The following CASP6 variants were observed in gnomAD, a reference collection of about 807,000 sequenced individuals.
CASP6 encodes caspase 6.
CASP6 carries 20 observed loss-of-function variants against 31.8 expected under a neutral mutation model. That is an observed-to-expected ratio of 0.63 (90% CI 0.44 to 0.91). The LOEUF (loss-of-function observed/expected upper bound fraction) is 0.91, where lower values mean the gene tolerates loss of function less well. Among genes scored for constraint, CASP6 ranks in the 40% least tolerant of loss-of-function variants. CASP6 has a pLI of 0.00. For missense variants in CASP6, 328 were observed against 361.1 expected (o/e 0.91, Z 0.74); for synonymous variants, 130 against 127.8 (o/e 1.02, Z -0.12).
At chr4:109,700,686 ACTTAC>A (rs1730393096) in intron 1 of CASP6, among the ~76,000 whole-genome samples, 1 of 152,166 alleles carries the variant, frequency 6.6e-6, no homozygotes, top group Admixed American at 6.5e-5. Context: ...GCCAGCTGTA[ACTTAC>A]CTTCACTCTC....
chr4:109,687,521 G>T (rs1409996994), downstream of CASP6: 1 of 1,610,508 alleles, frequency 6.2e-7, no homozygotes, highest in African/African-American at 1.3e-5. Flanking sequence ...ACAGGCTAAA[G>T]AATCCCTGAA....
chr4:109,666,722 T>C, the CASP6 span, among the ~76,000 whole-genome samples: 3 of 152,238 alleles, frequency 2.0e-5, no homozygotes, highest in Non-Finnish European at 2.9e-5. Flanking sequence ...TCTCCCAGGC[T>C]ATGGCTTGCT....
At chr4:109,703,495 C>T (rs1378871160), upstream of CASP6, 3 of 1,474,294 alleles carry the variant, frequency 2.0e-6, no homozygotes, top group Non-Finnish European at 2.8e-6. Flanking sequence ...CGGCCCCGCC[C>T]CCTGCCCCCG....
At chr4:109,695,953 G>T (rs1268076398) in intron 4 of CASP6, among the ~76,000 whole-genome samples, 1 of 152,114 alleles carries the variant, frequency 6.6e-6, no homozygotes, top group Admixed American at 6.6e-5. Flanking sequence ...ATGCAGCGAT[G>T]ATTATAATAT....
At chr4:109,690,761 G>A (rs1005340612) in intron 6 of CASP6, 89 bp downstream of exon 6, 126 of 1,387,620 alleles carry the variant, frequency 9.1e-5, no homozygotes, top group Non-Finnish European at 1.2e-4. Flanking sequence ...TGTCCCAACC[G>A]AAAGATCTGA....
intron 6 of CASP6, 151 bp downstream of exon 6, chr4:109,690,699 G>A: frequency 1.4e-6 from 1 of 695,412 alleles, no homozygotes. Context: ...ATCACTCTGT[G>A]CCATGTGGTC....
chr4:109,676,016 G>A, the CASP6 span, among the ~76,000 whole-genome samples: 1 of 152,186 alleles, frequency 6.6e-6, no homozygotes, highest in East Asian at 1.9e-4. Flanking sequence ...CAGAAAATTG[G>A]TACCAGAAGT....
chr4:109,698,454 G>C, intron 1 of CASP6, 112 bp from the exon 2 acceptor site: 1 of 881,752 alleles, frequency 1.1e-6, no homozygotes, highest in Non-Finnish European at 1.7e-6. Flanking sequence ...TTCTGTTTTG[G>C]TTAGTTTAAA....
At chr4:109,691,069 T>A in intron 5 of CASP6, 60 bp from the exon 6 acceptor site, 2 of 1,537,756 alleles carry the variant, frequency 1.3e-6, no homozygotes, top group South Asian at 2.5e-5. Flanking sequence ...CAGTGCTTAA[T>A]GTGTGCAGTG....
chr4:109,689,447 T>C lies in CASP6; in HGVS notation c.765A>G (p.Lys255=). 1 of 1,614,220 alleles carries C rather than the reference T, an allele frequency of 6.2e-7. No individual in the cohort carries two copies. Among genetic ancestry groups the C allele is most frequent in the Non-Finnish European group, 8.5e-7 (1 of 1,180,046 alleles). ...AAAAGTCCACTCGGCGCTGAGAAAC[T>C]TTCCTGTTCACCAGTGTGAGGAGTT... ...FTELLTLVNR[K]VSQRRVDFCK... Residue 255 remains lysine, a synonymous_variant, in exon 7 of 7, where the codon AAA becomes AAG. Transcript: ENST00000265164.
the CASP6 span, among the ~76,000 whole-genome samples, chr4:109,681,702 G>A: frequency 4.6e-5 from 7 of 152,224 alleles, no homozygotes; most frequent in African/African-American, 1.2e-4. Context: ...CCTTTAGCCC[G>A]ATCTGGAGCG....
rs762020300 is a variant in CASP6, at chr4:109,694,527, G to GA, written c.480dup (p.Gln161SerfsTer20). 1 of 1,598,380 alleles carries GA rather than the reference G, an allele frequency of 6.3e-7. No homozygotes were observed. The highest frequency in any genetic ancestry group is 1.3e-5 in the African/African-American group (1 of 74,292). The stretch of plus-strand genomic sequence containing the variant: ...GATGATAATGTACTCAGTCTTACCT[G>GA]AATGATAAATATCTTGGGTTTTCCA... On this transcript the variant is annotated frameshift_variant, in exon 5 of 7. Coordinates refer to ENST00000265164, the MANE Select transcript of CASP6 (RefSeq NM_001226.4). LOFTEE classifies it high-confidence loss of function.
At chr4:109,695,644 G>A (rs145613427) in intron 4 of CASP6, among the ~76,000 whole-genome samples, 5 of 151,894 alleles carry the variant, frequency 3.3e-5, no homozygotes, top group Admixed American at 6.6e-5. Flanking sequence ...GGGAAGCTGA[G>A]GCAGGAGAAT....
At chr4:109,676,565 A>G in the CASP6 span, among the ~76,000 whole-genome samples, 2 of 152,114 alleles carry the variant, frequency 1.3e-5, no homozygotes, top group African/African-American at 4.8e-5. Flanking sequence ...TGCTCTTCCA[A>G]ACTCTTCCAG....
rs371849658 is a variant in CASP6, at chr4:109,701,825, A to G, written c.40+1531T>C. 5.3e-5 allele frequency among the ~76,000 whole-genome samples: 8 copies of G among 152,276 alleles called. No individual in the cohort carries two copies. The East Asian group carries it at 7.7e-4, about 15-fold the overall frequency. Reference sequence around the variant, plus strand: ...CAGAGAAAGTGGGCCAGGCGTGCCAAGGTCGGCAAAGTGAAGCTGGGATTG... The same window carrying G: ...CAGAGAAAGTGGGCCAGGCGTGCCAGGGTCGGCAAAGTGAAGCTGGGATTG... On this transcript the variant is annotated intron_variant, in intron 1 of 6. Coordinates refer to ENST00000265164, the MANE Select transcript of CASP6 (RefSeq NM_001226.4).
chr4:109,688,304 TTATTC>T (rs1729901946), downstream of CASP6: 1 of 152,244 alleles, frequency 6.6e-6, no homozygotes, highest in Non-Finnish European at 1.5e-5. Context: ...GTAACATCTG[TTATTC>T]TATTAATGTG....
At chr4:109,689,621 G>A in intron 6 of CASP6, 53 bp from the exon 7 acceptor site, 2 of 1,467,302 alleles carry the variant, frequency 1.4e-6, no homozygotes, top group Non-Finnish European at 1.9e-6. Context: ...TTCAATTACT[G>A]TGTGTATTCT....
upstream of CASP6, among the ~76,000 whole-genome samples, chr4:109,705,996 AAAAAAATATATATATATATATATAT>A (rs1308068327): frequency 9.6e-4 from 62 of 64,562 alleles, 4 homozygotes; most frequent in Middle Eastern, 6.4e-3. Flanking sequence ...AAAAAAAAAA[AAAAAAATATATATATATATATATAT>A]ATATATATAT....
At chr4:109,706,124 A>C, upstream of CASP6, among the ~76,000 whole-genome samples, 1 of 59,706 alleles carries the variant, frequency 1.7e-5, no homozygotes, top group Non-Finnish European at 3.2e-5. Flanking sequence ...CAACATACCT[A>C]TCCATTTTAT....
Sources: allele counts gnomAD v4.1 joint callset (sites outside exome capture counted in the v4.1 genomes callset), GRCh38; gene constraint gnomAD v4.1.1; transcripts MANE v1.5; gene names NCBI Gene and HGNC (gene_info 2026-07-23, HGNC 2026-07-21).